ADK: variants seen among roughly 807,000 people sequenced by gnomAD.
ADK encodes the protein N6,N6-dimethyladenosine kinase.
Under a neutral mutation model 44.7 loss-of-function variants are expected in ADK, and 24 were observed. That is an observed-to-expected ratio of 0.54 (90% CI 0.39 to 0.76). The LOEUF is 0.76. ADK is among the 30% of genes least tolerant of loss of function. The pLI, the probability that ADK is intolerant of heterozygous loss-of-function variation, is 0.00. For missense variants in ADK, 321 were observed against 425.1 expected (o/e 0.76, Z 2.15); for synonymous variants, 128 against 142.6 (o/e 0.90, Z 0.73).
Position 74,203,882 on chromosome 10 carries a change from A to AT in ADK, c.140+3045dup, listed in dbSNP as rs1843492849. On this transcript the variant is annotated intron_variant, in intron 2 of 10. Coordinates refer to ENST00000539909, the MANE Select transcript of ADK (RefSeq NM_006721.4). ...GGAATTTTGATTGGAATTACATTGA[A>AT]TGTATAGATAAATACATGATTAAGT... 4.0e-5 allele frequency among the ~76,000 whole-genome samples: 6 copies of AT among 151,418 alleles called. No homozygotes were observed. In the South Asian group the frequency reaches 1.2e-3, roughly 31 times the overall value.
At chr10:74,166,410 T>C (rs1842035504) in intron 1 of ADK, among the ~76,000 whole-genome samples, 1 of 151,960 alleles carries the variant, frequency 6.6e-6, no homozygotes. Context: ...AACATTCACC[T>C]CCGGGCTCAA....
At chr10:74,536,889 C>A (rs913376602) in intron 7 of ADK, among the ~76,000 whole-genome samples, 2 of 151,832 alleles carry the variant, frequency 1.3e-5, no homozygotes, top group Admixed American at 6.6e-5. Flanking sequence ...TTGTTTTTTG[C>A]TTCATTTTGT....
intron 6 of ADK, among the ~76,000 whole-genome samples, chr10:74,401,975 A>T (rs907428506): frequency 1.3e-5 from 2 of 152,034 alleles, no homozygotes; most frequent in Non-Finnish European, 2.9e-5. Flanking sequence ...TCTGTAAAGG[A>T]TTTTATTTCT....
chr10:74,238,276 T>G (rs1169801164), intron 3 of ADK, among the ~76,000 whole-genome samples: 1 of 152,192 alleles, frequency 6.6e-6, no homozygotes. Flanking sequence ...ATTATCATGA[T>G]TAATTAGCAT....
intron 1 of ADK, among the ~76,000 whole-genome samples, chr10:74,172,720 G>C (rs1591805109): frequency 1.4e-5 from 2 of 140,242 alleles, no homozygotes; most frequent in South Asian, 4.6e-4. Flanking sequence ...AGCGGATCAC[G>C]AGGTCAGGAT....
chr10:74,437,817 A>G (rs984171715), intron 6 of ADK, among the ~76,000 whole-genome samples: 1 of 152,178 alleles, frequency 6.6e-6, no homozygotes, highest in Non-Finnish European at 1.5e-5. Context: ...CATGGTGTAT[A>G]AAGCCCTACA....
chr10:74,291,519 T>TTA (rs1393403026), intron 3 of ADK, among the ~76,000 whole-genome samples: 1 of 152,034 alleles, frequency 6.6e-6, no homozygotes, highest in African/African-American at 2.4e-5. Context: ...TTGTTATGAG[T>TTA]TATAGGTAAG....
At chr10:74,623,137 C>T (rs1246472067) in intron 9 of ADK, among the ~76,000 whole-genome samples, 1 of 152,198 alleles carries the variant, frequency 6.6e-6, no homozygotes, top group Non-Finnish European at 1.5e-5. Context: ...TTTCCCCCTT[C>T]CTTTCAGTTA....
intron 1 of ADK, among the ~76,000 whole-genome samples, chr10:74,157,649 C>G (rs956880809): frequency 6.7e-6 from 1 of 149,170 alleles, no homozygotes; most frequent in Non-Finnish European, 1.5e-5. Context: ...GAGGCCAAGG[C>G]GGGCAGATCA....
At position 74,405,078 on chromosome 10, in the gene ADK, T is replaced by C. The variant is rs796655181; in HGVS notation, c.555+6499T>C. On this transcript the variant is annotated intron_variant, in intron 6 of 10. Transcript: ENST00000539909. ...TTTTTATTTTGTTTCTTTCTCTATG[T>C]TTTATTTTGGATACCTCCTTTGCTG... Among the ~76,000 whole-genome samples the C allele has an allele frequency of 3.9e-5, 6 of 152,208 alleles. No individual in the cohort carries two copies. The South Asian group carries it at 1.2e-3, about 32-fold the overall frequency.
At chr10:74,642,478 T>TA in intron 9 of ADK, among the ~76,000 whole-genome samples, 1 of 152,016 alleles carries the variant, frequency 6.6e-6, no homozygotes, top group East Asian at 1.9e-4. Context: ...GTACTGGTAT[T>TA]ACAGGTATGA....
chr10:74,649,565 C>T (rs1286309681), intron 9 of ADK, among the ~76,000 whole-genome samples: 1 of 151,662 alleles, frequency 6.6e-6, no homozygotes. Flanking sequence ...ATTGAGGCTG[C>T]AGTGAGTCTT....
chr10:74,635,141 C>T (rs1853581714), intron 9 of ADK, among the ~76,000 whole-genome samples: 1 of 152,194 alleles, frequency 6.6e-6, no homozygotes, highest in South Asian at 2.1e-4. Context: ...TTGGGAAGCC[C>T]TGTGAACCAC....
intron 6 of ADK, among the ~76,000 whole-genome samples, chr10:74,412,829 G>A (rs1415609895): frequency 4.6e-5 from 7 of 152,230 alleles, no homozygotes; most frequent in African/African-American, 1.4e-4. Context: ...AGGCCAAGGC[G>A]GGAGGATCAC....
At chr10:74,341,034 G>A (rs1841566038) in intron 4 of ADK, among the ~76,000 whole-genome samples, 1 of 152,082 alleles carries the variant, frequency 6.6e-6, no homozygotes, top group Non-Finnish European at 1.5e-5. Context: ...GAAACTTAGA[G>A]TGAAATCTTA....
intron 10 of ADK, among the ~76,000 whole-genome samples, chr10:74,678,200 T>C (rs1276580537): frequency 6.6e-6 from 1 of 151,290 alleles, no homozygotes; most frequent in Non-Finnish European, 1.5e-5. Context: ...TTCAGGTTCA[T>C]GCAACAGAAA....
At chr10:74,617,493 C>CA (rs1852815244) in intron 9 of ADK, among the ~76,000 whole-genome samples, 1 of 152,120 alleles carries the variant, frequency 6.6e-6, no homozygotes, top group Non-Finnish European at 1.5e-5. Context: ...GTGTGAATTA[C>CA]AGATTGATTA....
chr10:74,511,114 G>C (rs1471443843), intron 6 of ADK, among the ~76,000 whole-genome samples: 4 of 152,198 alleles, frequency 2.6e-5, no homozygotes, highest in Non-Finnish European at 4.4e-5. Flanking sequence ...TTATTGAACA[G>C]ACTATTCATT....
intron 9 of ADK, among the ~76,000 whole-genome samples, chr10:74,665,963 A>G (rs1003703803): frequency 1.3e-5 from 2 of 152,188 alleles, no homozygotes; most frequent in African/African-American, 4.8e-5. Context: ...TCTTTGAACA[A>G]AATTTTCTAA....
Sources: gnomAD v4.1 joint callset for allele counts (sites outside exome capture counted in the v4.1 genomes callset) on GRCh38, gnomAD v4.1.1 for gene constraint, MANE v1.5 for transcripts, NCBI Gene and HGNC (gene_info 2026-07-23, HGNC 2026-07-21) for gene names.